Variants in STAC2 observed in about 807,000 individuals in gnomAD.
The protein encoded by STAC2 is SH3 and cysteine-rich domain-containing protein 2.
In STAC2, 36 loss-of-function variants were observed where a neutral mutation model predicts 49.0. That is an observed-to-expected ratio of 0.74 (90% confidence interval 0.56 to 0.97). STAC2 has a LOEUF of 0.97. STAC2 is among the 50% of genes least tolerant of loss of function. The probability of loss-of-function intolerance (pLI) is 0.00; values close to 1 mark genes in which losing one functional copy is unlikely to be tolerated. For missense variants in STAC2, 527 were observed against 543.8 expected, an observed-to-expected ratio of 0.97 and a Z score of 0.31; for synonymous variants, 239 against 214.7, an observed-to-expected ratio of 1.11 and a Z score of -0.99.
In STAC2 at chr17:39,213,122, C is replaced by T; in HGVS notation, c.1004G>A (p.Gly335Asp). The change falls in exon 10 of 11, where the codon GGC (glycine) becomes GAC (aspartate). Residue 335 changes from glycine to aspartate, a missense_variant. By Grantham distance (94) the Gly-to-Asp change is moderately conservative. Transcript: ENST00000333461. ...SNEDWWKGKI[G>D]DRVGFFPANF... ...AGCTGGGAAGAAGCCAACCCGGTCG[C>T]CGATCTTGCCCTGGGGATGAGGTTG... The T allele has an allele frequency of 6.2e-7, 1 of 1,608,146 alleles. No individual in the cohort carries two copies. The highest frequency in any genetic ancestry group is 1.3e-5 in the African/African-American group (1 of 75,058).
In STAC2 at chr17:39,213,058, C is replaced by G; in HGVS notation, c.1068G>C (p.Trp356Cys). The G allele has an allele frequency of 6.2e-7, 1 of 1,613,854 alleles. No homozygotes were observed. ...VQRVRPGENV[W>C]RCCQPFSGNK... The stretch of plus-strand genomic sequence containing the variant: ...TCCCGGAGAAGGGTTGGCAGCAGCG[C>G]CAAACATTCTCGCCTGGCCTCACCC... Residue 356 changes from tryptophan (W) to cysteine (C), a missense_variant, in exon 10 of 11, where the codon TGG becomes TGC. Transcript: ENST00000333461.
chr17:39,221,745 C>A (rs2046464763), intron 1 of STAC2, among the ~76,000 whole-genome samples: 1 of 151,912 alleles, frequency 6.6e-6, no homozygotes, highest in Non-Finnish European at 1.5e-5. Flanking sequence ...CTCAGCTGGG[C>A]CCTGCCTGGG....
At position 39,212,218 on chromosome 17, in the gene STAC2, G is replaced by C; in HGVS notation, c.*74C>G. On this transcript the variant is annotated 3_prime_UTR_variant, in exon 11 of 11. Transcript: ENST00000333461. ...GGAAGGGTATGGAGTGGACAAGGGG[G>C]CCTGATCCCCTCCCTGGCCAGAAGC... The C allele has an allele frequency of 9.2e-7, 1 of 1,091,126 alleles. No individual in the cohort carries two copies. Among genetic ancestry groups the C allele is most frequent in the Admixed American group, 2.0e-5 (1 of 49,546 alleles). The allele number at this position is 1,091,126 out of a possible 1,614,324, so 67.6% of individuals were successfully genotyped here.
At chr17:39,218,850 G>A (rs1340317415) in intron 1 of STAC2, among the ~76,000 whole-genome samples, 1 of 152,124 alleles carries the variant, frequency 6.6e-6, no homozygotes, top group Non-Finnish European at 1.5e-5. Flanking sequence ...AGCAGTTGGA[G>A]ACCAGCCTGG....
chr17:39,221,166 G>T (rs1428888243), intron 1 of STAC2, among the ~76,000 whole-genome samples: 1 of 151,846 alleles, frequency 6.6e-6, no homozygotes, highest in Non-Finnish European at 1.5e-5. Flanking sequence ...CACGGTCTCA[G>T]CTCACTGTAA....
chr17:39,215,323 GC>G, intron 4 of STAC2, 93 bp from the exon 5 acceptor site: 3 of 1,307,022 alleles, frequency 2.3e-6, no homozygotes, highest in Non-Finnish European at 3.3e-6. Context: ...CTTCCCAGCT[GC>G]CCCCTCACCT....
chr17:39,218,644 A>G (rs1056775187), intron 1 of STAC2, among the ~76,000 whole-genome samples: 2 of 152,082 alleles, frequency 1.3e-5, no homozygotes, highest in Non-Finnish European at 2.9e-5. Context: ...TTTTTCATAA[A>G]CAGTAAATCT....
chr17:39,215,267 C>A, intron 4 of STAC2, 37 bp from the exon 5 acceptor site: 1 of 1,603,566 alleles, frequency 6.2e-7, no homozygotes. Flanking sequence ...GGCTCTGCCT[C>A]AAAGCCCTGC....
At position 39,225,138 on chromosome 17, in the gene STAC2, C is replaced by T. The variant is rs2046499546; in HGVS notation, c.90+275G>A. On this transcript the variant is annotated intron_variant, in intron 1 of 10. Transcript: ENST00000333461. This position sits in a 1 kb window ranked among gnomAD's most constrained non-coding sequence, Gnocchi z 8.2. ...CCCGCACCGCTCCACGCGCGCCCTC[C>T]GGCCTCGCTGCGCCCATCTCTCCAA... Among the ~76,000 whole-genome samples the T allele has an allele frequency of 3.3e-5, 5 of 152,182 alleles. No homozygotes were observed. The highest frequency in any genetic ancestry group is 3.3e-4 in the Admixed American group (5 of 15,282).
At chr17:39,220,655 A>G (rs1425262687) in intron 1 of STAC2, among the ~76,000 whole-genome samples, 1 of 149,940 alleles carries the variant, frequency 6.7e-6, no homozygotes, top group Non-Finnish European at 1.5e-5. Context: ...TGTATTTTTA[A>G]TAGAGGCGGG....
intron 2 of STAC2, among the ~76,000 whole-genome samples, chr17:39,217,452 A>G (rs1185473900): frequency 6.6e-6 from 1 of 152,070 alleles, no homozygotes; most frequent in Non-Finnish European, 1.5e-5. Flanking sequence ...GGGTGGGTGC[A>G]ATGGCTCACA....
intron 1 of STAC2, among the ~76,000 whole-genome samples, chr17:39,222,961 G>A (rs1309133316): frequency 6.6e-6 from 1 of 152,210 alleles, no homozygotes; most frequent in African/African-American, 2.4e-5. Context: ...CCTCCCAGGG[G>A]TGGCAACAAA....
At chr17:39,224,118 G>C (rs982372845) in intron 1 of STAC2, among the ~76,000 whole-genome samples, 1 of 152,060 alleles carries the variant, frequency 6.6e-6, no homozygotes, top group Non-Finnish European at 1.5e-5. Flanking sequence ...CTCCTCCTCC[G>C]GTCACTCCCT....
At position 39,225,900 on chromosome 17, in the gene STAC2, C is replaced by T. The variant is rs1006247338; in HGVS notation, c.-398G>A. The T allele has an allele frequency of 2.1e-5, 5 of 234,922 alleles. No homozygotes were observed. Among genetic ancestry groups the T allele is most frequent in the Non-Finnish European group, 4.2e-5 (5 of 119,694 alleles). The allele number at this position is 234,922 out of a possible 1,614,324, so 14.6% of individuals were successfully genotyped here. A position where few individuals can be genotyped will look rare whatever the true frequency, so the allele number is the denominator to read the frequency against. On this transcript the variant is annotated 5_prime_UTR_variant, in exon 1 of 11. Transcript: ENST00000333461. This position sits in a 1 kb window ranked among gnomAD's most constrained non-coding sequence, Gnocchi z 8.2. ...CCTCCCCTCCCCCGCCGGCCCCAGC[C>T]CGGCACCCGGCGGCCCCTCCGCCCA...
At chr17:39,217,761 G>T (rs1274633295) in intron 2 of STAC2, 106 bp downstream of exon 2, 1 of 1,159,356 alleles carries the variant, frequency 8.6e-7, no homozygotes, top group Non-Finnish European at 1.2e-6. Flanking sequence ...TTAGTATTGG[G>T]GCTCCTGAAC....
At chr17:39,224,791 G>C (rs1242468929) in intron 1 of STAC2, among the ~76,000 whole-genome samples, 1 of 152,130 alleles carries the variant, frequency 6.6e-6, no homozygotes, top group Non-Finnish European at 1.5e-5. Context: ...GACGGCCGGC[G>C]CTGCTGCAGG....
Position 39,217,974 on chromosome 17 carries a change from G to A in STAC2, c.290C>T (p.Pro97Leu). 1.3e-6 allele frequency: 2 copies of A among 1,590,334 alleles called. No homozygotes were observed. Among genetic ancestry groups the A allele is most frequent in the Non-Finnish European group, 1.7e-6 (2 of 1,169,160 alleles). The part of the protein sequence containing the change: ...GLATPSPSPC[P>L]VPRPLAALKP... ...GAGCGCTGCCAGGGGGCGTGGGACT[G>A]GGCATGGGGAGGGGGATGGGGTAGC... The change falls in exon 2 of 11, where the codon CCA becomes CTA. Residue 97 changes from proline (P) to leucine (L), a missense_variant. Pro to Leu is a moderately conservative substitution (Grantham distance 98, BLOSUM62 -3). Coordinates refer to ENST00000333461, the MANE Select transcript of STAC2 (RefSeq NM_198993.5).
intron 1 of STAC2, among the ~76,000 whole-genome samples, chr17:39,222,623 T>G (rs953564195): frequency 6.6e-6 from 1 of 152,168 alleles, no homozygotes; most frequent in African/African-American, 2.4e-5. Context: ...ACTATACTTT[T>G]GGTGCCCTCA....
At chr17:39,220,141 T>C (rs1037908901) in intron 1 of STAC2, among the ~76,000 whole-genome samples, 1 of 152,206 alleles carries the variant, frequency 6.6e-6, no homozygotes, top group African/African-American at 2.4e-5. Context: ...TGTGGGCTTC[T>C]TTGTGTATCT....
Sources: allele counts gnomAD v4.1 joint callset (sites outside exome capture counted in the v4.1 genomes callset), GRCh38; gene constraint gnomAD v4.1.1; non-coding constraint Gnocchi (gnomAD v3.1); transcripts MANE v1.5; gene names NCBI Gene and HGNC (gene_info 2026-07-23, HGNC 2026-07-21).